PPM1L: variants seen among roughly 807,000 people sequenced by gnomAD.
PPM1L encodes protein phosphatase, Mg2+/Mn2+ dependent 1L, also known as protein phosphatase 1L.
Under a neutral mutation model 31.4 loss-of-function variants are expected in PPM1L, and 13 were observed. The ratio of observed to expected loss-of-function variants is 0.41; its 90% CI spans 0.27 to 0.66. The LOEUF (loss-of-function observed/expected upper bound fraction) is 0.66, where lower values mean the gene tolerates loss of function less well. Ranked by LOEUF, PPM1L falls within the 30% of genes least tolerant of loss-of-function variation. PPM1L has a pLI of 0.29. For missense variants in PPM1L, 326 were observed against 453.7 expected, an observed-to-expected ratio of 0.72 and a Z score of 2.56; for synonymous variants, 184 against 175.4, an observed-to-expected ratio of 1.05 and a Z score of -0.39.
At chr3:160,968,991 G>A (rs1159596187) in intron 2 of PPM1L, among the ~76,000 whole-genome samples, 1 of 152,178 alleles carries the variant, frequency 6.6e-6, no homozygotes, top group African/African-American at 2.4e-5. Context: ...GCACTTACGC[G>A]TAGAAAGTGA....
Position 160,859,386 on chromosome 3 carries a change from T to G in PPM1L, c.400-102350T>G, listed in dbSNP as rs545108157. Among the ~76,000 whole-genome samples, 4 of 152,350 alleles carry G rather than the reference T, an allele frequency of 2.6e-5. No individual in the cohort carries two copies. The South Asian group carries it at 6.2e-4, about 24-fold the overall frequency. ...TTTCTACATTGCATGATTCCTTGCC[T>G]TCTTTTATTTCATGCAAGTTAGATT... On this transcript the variant is annotated intron_variant, in intron 1 of 3. Transcript: ENST00000498165.
chr3:160,981,324 TG>T (rs1716790356), intron 2 of PPM1L, among the ~76,000 whole-genome samples: 1 of 152,168 alleles, frequency 6.6e-6, no homozygotes, highest in African/African-American at 2.4e-5. Context: ...AAGATTTAAC[TG>T]GGGCTGTTCT....
At chr3:160,938,015 C>A (rs1042517164) in intron 1 of PPM1L, among the ~76,000 whole-genome samples, 2 of 152,170 alleles carry the variant, frequency 1.3e-5, no homozygotes, top group African/African-American at 4.8e-5. Flanking sequence ...ATTTTAAATT[C>A]TTGATAGGAA....
At chr3:160,791,770 G>A (rs1258744114) in intron 1 of PPM1L, among the ~76,000 whole-genome samples, 2 of 152,164 alleles carry the variant, frequency 1.3e-5, no homozygotes, top group Admixed American at 1.3e-4. Context: ...GGATGAAAAA[G>A]GCCTCTTGGA....
chr3:160,772,684 T>C (rs748176298), intron 1 of PPM1L, among the ~76,000 whole-genome samples: 1 of 152,230 alleles, frequency 6.6e-6, no homozygotes, highest in Non-Finnish European at 1.5e-5. Context: ...AAAAGTTTCT[T>C]GATGCTTCTT....
intron 1 of PPM1L, among the ~76,000 whole-genome samples, chr3:160,805,758 A>G (rs1476436662): frequency 1.3e-5 from 2 of 152,078 alleles, no homozygotes; most frequent in African/African-American, 4.8e-5. Flanking sequence ...TTGAATCTAA[A>G]TTGGATTCTA....
intron 2 of PPM1L, among the ~76,000 whole-genome samples, chr3:160,989,529 C>T (rs911822662): frequency 2.0e-5 from 3 of 151,960 alleles, no homozygotes; most frequent in African/African-American, 4.8e-5. Flanking sequence ...CTCAGCCTCC[C>T]GAGTAACTGG....
intron 2 of PPM1L, among the ~76,000 whole-genome samples, chr3:161,007,635 G>T (rs2108059407): frequency 1.3e-5 from 2 of 152,246 alleles, no homozygotes; most frequent in East Asian, 3.9e-4. Context: ...AAAATATTAT[G>T]ATTTATTTAT....
intron 1 of PPM1L, among the ~76,000 whole-genome samples, chr3:160,764,273 A>G (rs750749559): frequency 1.9e-4 from 29 of 152,312 alleles, no homozygotes; most frequent in Middle Eastern, 3.4e-3. Context: ...CTGGGACTAT[A>G]GGCATGTGCC....
At chr3:160,970,153 T>C (rs1213780338) in intron 2 of PPM1L, among the ~76,000 whole-genome samples, 1 of 152,242 alleles carries the variant, frequency 6.6e-6, no homozygotes, top group Non-Finnish European at 1.5e-5. Flanking sequence ...ATTTTTAATA[T>C]GGTTCCTGTC....
intron 2 of PPM1L, among the ~76,000 whole-genome samples, chr3:160,963,676 TG>T (rs1716040542): frequency 6.6e-6 from 1 of 152,144 alleles, no homozygotes; most frequent in East Asian, 1.9e-4. Flanking sequence ...TGCATTCTAG[TG>T]GATGAAGGGG....
intron 1 of PPM1L, among the ~76,000 whole-genome samples, chr3:160,895,704 G>A (rs1023931690): frequency 6.6e-6 from 1 of 151,964 alleles, no homozygotes; most frequent in African/African-American, 2.4e-5. Context: ...CTTTTAATAG[G>A]GACATCAAGA....
intron 1 of PPM1L, among the ~76,000 whole-genome samples, chr3:160,762,361 A>T (rs1444194887): frequency 6.6e-6 from 1 of 152,148 alleles, no homozygotes; most frequent in Non-Finnish European, 1.5e-5. Flanking sequence ...ACCTTTTTGT[A>T]TGGGAATGTA....
chr3:161,065,460 G>C lies in PPM1L; in HGVS notation c.632G>C (p.Gly211Ala). The C allele has an allele frequency of 6.2e-7, 1 of 1,614,124 alleles. No homozygotes were observed. Among genetic ancestry groups the C allele is most frequent in the Non-Finnish European group, 8.5e-7 (1 of 1,179,994 alleles). Residue 211 changes from glycine to alanine, a missense_variant, in exon 3 of 4, where the codon GGT becomes GCT. Gly to Ala is a moderately conservative substitution (Grantham distance 60, BLOSUM62 0). Transcript: ENST00000498165. ...AAAGACCTCACTGTGGCCAACGTGG[G>C]TGACTCGCGCGGGGTCCTGTGTGAC... is the stretch of plus-strand genomic sequence containing the variant. ...SDKDLTVANVGDSRGVLCDKD... is the reference protein window; with the variant it reads ...SDKDLTVANVADSRGVLCDKD...
At chr3:160,840,738 GAGAAGGAGAGAGAGAA>G (rs1295190411) in intron 1 of PPM1L, among the ~76,000 whole-genome samples, 357 of 148,108 alleles carry the variant, frequency 2.4e-3, no homozygotes, top group African/African-American at 9.1e-3. Context: ...GAGAGAGAGA[GAGAAGGAGAGAGAGAA>G]AGAAGGAGAG....
intron 1 of PPM1L, among the ~76,000 whole-genome samples, chr3:160,894,289 A>C (rs568901906): frequency 6.6e-6 from 1 of 152,340 alleles, no homozygotes; most frequent in African/African-American, 2.4e-5. Flanking sequence ...CTTAATATAT[A>C]ATATGAATCT....
At chr3:160,862,476 C>T (rs1453898960) in intron 1 of PPM1L, among the ~76,000 whole-genome samples, 2 of 152,044 alleles carry the variant, frequency 1.3e-5, no homozygotes, top group Non-Finnish European at 2.9e-5. Context: ...GGAGGTGCTG[C>T]GGGGATGTGG....
chr3:161,006,128 A>G (rs960553318), intron 2 of PPM1L, among the ~76,000 whole-genome samples: 2 of 152,264 alleles, frequency 1.3e-5, no homozygotes, highest in African/African-American at 4.8e-5. Flanking sequence ...CAACAGATGA[A>G]TAAAGAAAAT....
At chr3:160,796,994 G>A (rs1205104290) in intron 1 of PPM1L, among the ~76,000 whole-genome samples, 1 of 152,086 alleles carries the variant, frequency 6.6e-6, no homozygotes, top group African/African-American at 2.4e-5. Flanking sequence ...CTAATCCTCA[G>A]CACTCCAAGT....
Sources: allele counts gnomAD v4.1 joint callset (sites outside exome capture counted in the v4.1 genomes callset), GRCh38; gene constraint gnomAD v4.1.1; transcripts MANE v1.5; gene names NCBI Gene and HGNC (gene_info 2026-07-23, HGNC 2026-07-21).